COL11A1: variants seen among roughly 807,000 people sequenced by gnomAD.
The protein encoded by COL11A1 is collagen alpha-1(XI) chain.
COL11A1 carries 74 observed loss-of-function variants against 265.2 expected under a neutral mutation model. The ratio of observed to expected loss-of-function variants is 0.28; its 90% CI spans 0.23 to 0.34. The LOEUF (loss-of-function observed/expected upper bound fraction) is 0.34. COL11A1 is among the 10% of genes least tolerant of loss of function. The pLI is 1.00. For synonymous variants in COL11A1, 816 were observed against 727.6 expected (o/e 1.12, Z -1.96); for missense variants, 2,165 against 2,263.6 (o/e 0.96, Z 0.88).
chr1:102,927,634 C>T (rs1421055408), intron 46 of COL11A1, among the ~76,000 whole-genome samples: 4 of 151,234 alleles, frequency 2.6e-5, no homozygotes, highest in African/African-American at 4.9e-5. Context: ...CAGCGTGAGA[C>T]GCCGTCTCAA....
At chr1:102,993,332 T>C (rs543075868) in intron 28 of COL11A1, among the ~76,000 whole-genome samples, 57 of 152,122 alleles carry the variant, frequency 3.7e-4, no homozygotes, top group African/African-American at 1.3e-3. Flanking sequence ...CTAGGGGTGA[T>C]TGGTTCCAGG....
chr1:103,028,553 G>C (rs1051673168), intron 5 of COL11A1, among the ~76,000 whole-genome samples: 4 of 152,140 alleles, frequency 2.6e-5, no homozygotes, highest in Admixed American at 2.0e-4. Context: ...AAAAGAACTA[G>C]TTATAATCAA....
At position 102,877,785 on chromosome 1, in the gene COL11A1, A is replaced by G; in HGVS notation, c.*234T>C. The G allele has an allele frequency of 9.2e-6, 4 of 434,736 alleles. No homozygotes were observed. In the South Asian group the frequency reaches 1.3e-4, roughly 14 times the overall value. 26.9% of individuals were successfully genotyped at this position (434,736 alleles called of 1,614,324 possible). Reference sequence around the variant, plus strand: ...GGAAAAGGAGAGTTGAGAATTGGGAATCAAGAATCAGCCCTGTTTCCATCT... The same window carrying G: ...GGAAAAGGAGAGTTGAGAATTGGGAGTCAAGAATCAGCCCTGTTTCCATCT... On this transcript the variant is annotated 3_prime_UTR_variant, in exon 67 of 67. Transcript: ENST00000370096.
chr1:102,970,298 CAT>C lies in COL11A1; in HGVS notation c.2809-28_2809-27del, dbSNP rs777900972. On this transcript the variant is annotated intron_variant, in intron 36 of 66. Coordinates refer to ENST00000370096, the MANE Select transcript of COL11A1 (RefSeq NM_001854.4). ...CTGAAATTACAAATATTAAATACCA[CAT>C]GTCATAAATATTTAATTATTTTATA... The C allele has an allele frequency of 1.2e-5, 19 of 1,567,166 alleles. No individual in the cohort carries two copies. The African/African-American group carries it at 1.2e-4, about 10-fold the overall frequency.
At chr1:102,992,143 A>C (rs144188720) in intron 28 of COL11A1, among the ~76,000 whole-genome samples, 304 of 152,212 alleles carry the variant, frequency 2.0e-3, no homozygotes, top group African/African-American at 6.4e-3. Context: ...TATTTTTCTC[A>C]TGTTTTAGTT....
chr1:102,910,058 T>C (rs1654459170), intron 54 of COL11A1, among the ~76,000 whole-genome samples: 1 of 152,010 alleles, frequency 6.6e-6, no homozygotes, highest in Non-Finnish European at 1.5e-5. Context: ...TTTTAACATA[T>C]AATATTTTTA....
At chr1:102,894,429 G>A (rs977942555) in intron 57 of COL11A1, among the ~76,000 whole-genome samples, 14 of 152,098 alleles carry the variant, frequency 9.2e-5, no homozygotes, top group Non-Finnish European at 2.1e-4. Flanking sequence ...AGCTAACCGA[G>A]AGGCTGAGGC....
intron 39 of COL11A1, 27 bp downstream of exon 39, chr1:102,962,626 A>C: frequency 6.2e-7 from 1 of 1,610,956 alleles, no homozygotes; most frequent in South Asian, 1.1e-5. Context: ...TTTTGGGCCA[A>C]AAAAAGTTTT....
intron 57 of COL11A1, among the ~76,000 whole-genome samples, chr1:102,894,427 G>A (rs1479092553): frequency 2.0e-5 from 3 of 152,160 alleles, no homozygotes; most frequent in East Asian, 3.9e-4. Flanking sequence ...CCAGCTAACC[G>A]AGAGGCTGAG....
intron 4 of COL11A1, among the ~76,000 whole-genome samples, chr1:103,066,482 TA>T (rs369480536): frequency 9.3e-5 from 8 of 86,400 alleles, no homozygotes; most frequent in Admixed American, 6.8e-4. Flanking sequence ...ATTTCTTAAA[TA>T]AAAAAATAGC....
At position 102,988,826 on chromosome 1, in the gene COL11A1, G is replaced by A. The variant is rs187445997; in HGVS notation, c.2394+692C>T. On this transcript the variant is annotated intron_variant, in intron 29 of 66. Coordinates refer to ENST00000370096, the MANE Select transcript of COL11A1 (RefSeq NM_001854.4). Reference sequence around the variant, plus strand: ...CAAGAAAAATGTCTCTCTTTTGTACGTGGCTTTTATCTTTAACGTTTAAGA... The same window carrying A: ...CAAGAAAAATGTCTCTCTTTTGTACATGGCTTTTATCTTTAACGTTTAAGA... 6.2e-4 allele frequency among the ~76,000 whole-genome samples: 95 copies of A among 152,148 alleles called. 1 individual carries two copies. The highest frequency in any genetic ancestry group is 2.2e-3 in the African/African-American group (93 of 41,538).
intron 45 of COL11A1, 112 bp from the exon 46 acceptor site, chr1:102,934,668 C>T: frequency 1.2e-6 from 1 of 862,936 alleles, no homozygotes; most frequent in Non-Finnish European, 1.9e-6. Context: ...TTAAGAATAA[C>T]CAAGTAAAAA....
intron 1 of COL11A1, among the ~76,000 whole-genome samples, chr1:103,106,960 C>T (rs1477532384): frequency 6.6e-6 from 1 of 152,182 alleles, no homozygotes; most frequent in Middle Eastern, 3.2e-3. Context: ...AGTCACCCTC[C>T]TTCCTATCCC....
intron 54 of COL11A1, among the ~76,000 whole-genome samples, chr1:102,903,369 G>T (rs1020259797): frequency 6.6e-6 from 1 of 152,042 alleles, no homozygotes; most frequent in Non-Finnish European, 1.5e-5. Flanking sequence ...TCATGCGTAA[G>T]ATTCAATCAC....
At chr1:103,071,834 T>TAAC (rs140262461) in intron 4 of COL11A1, among the ~76,000 whole-genome samples, 132,676 of 149,976 alleles carry the variant, frequency 0.88, 59,038 homozygotes, top group East Asian at 0.93. Context: ...ATAATTAAGT[T>TAAC]AACATACAAC....
intron 44 of COL11A1, among the ~76,000 whole-genome samples, chr1:102,936,400 AAAT>A (rs1220451475): frequency 6.6e-6 from 1 of 152,150 alleles, no homozygotes; most frequent in Non-Finnish European, 1.5e-5. Context: ...ATGTGATTAT[AAAT>A]AATCAGTTAT....
At chr1:102,923,790 T>C (rs1656259008) in intron 46 of COL11A1, among the ~76,000 whole-genome samples, 1 of 152,108 alleles carries the variant, frequency 6.6e-6, no homozygotes, top group South Asian at 2.1e-4. Context: ...GGTACCAGTC[T>C]GGTAAAATAA....
intron 4 of COL11A1, among the ~76,000 whole-genome samples, chr1:103,043,254 GAAATATA>G (rs1668980431): frequency 1.4e-5 from 2 of 147,318 alleles, no homozygotes; most frequent in African/African-American, 5.0e-5. Context: ...TCATATATAT[GAAATATA>G]TATTTTATAT....
chr1:102,916,052 A>C (rs1204508306), intron 49 of COL11A1, among the ~76,000 whole-genome samples: 4 of 152,172 alleles, frequency 2.6e-5, no homozygotes, highest in African/African-American at 9.6e-5. Flanking sequence ...AACACTTTCA[A>C]ATTGTTGTTT....
Sources: allele counts gnomAD v4.1 joint callset (sites outside exome capture counted in the v4.1 genomes callset), GRCh38; gene constraint gnomAD v4.1.1; transcripts MANE v1.5; gene names NCBI Gene and HGNC (gene_info 2026-07-23, HGNC 2026-07-21).